Variants in FAM219B observed in about 807,000 individuals in gnomAD.
FAM219B encodes the protein family with sequence similarity 219 member B.
A neutral mutation model predicts 19.9 loss-of-function variants in FAM219B; 18 were observed. The ratio of observed to expected loss-of-function variants is 0.91; its 90% CI spans 0.63 to 1.34. The LOEUF (loss-of-function observed/expected upper bound fraction) is 1.34, where lower values mean the gene tolerates loss of function less well. FAM219B is among the 40% of genes most tolerant of loss of function. The probability of loss-of-function intolerance (pLI) is 0.00; values close to 1 mark genes in which losing one functional copy is unlikely to be tolerated. For missense variants in FAM219B, 283 were observed against 270.5 expected, an observed-to-expected ratio of 1.05 and a Z score of -0.32; for synonymous variants, 123 against 117.5, an observed-to-expected ratio of 1.05 and a Z score of -0.30.
In FAM219B at chr15:74,902,773, T is replaced by A. The variant is rs1373623747; in HGVS notation, c.443A>T (p.Asp148Val). 1.2e-6 allele frequency: 2 copies of A among 1,609,284 alleles called. No homozygotes were observed. The highest frequency in any genetic ancestry group is 1.7e-6 in the Non-Finnish European group (2 of 1,177,762). The change falls in exon 5 of 5, where the codon GAT becomes GTT. Residue 148 changes from aspartate to valine, a missense_variant. Asp to Val is a radical substitution (Grantham distance 152). Coordinates refer to ENST00000357635, the MANE Select transcript of FAM219B (RefSeq NM_020447.5). ...ATCCTGAAGCAGCTGCCGGCTCACA[T>A]CCTGGTTCACCTGCTAAGAGAAGGA... is the stretch of plus-strand genomic sequence containing the variant. ...GYSSAEQVNQ[D>V]VSRQLLQDGY...
rs1161563003 is a variant in FAM219B at position 74,906,288 on chromosome 15, AAG to A, written c.290_291del (p.Ser97PhefsTer9). ...GGCGCCTGCTGAGACCTTTTCCCTG[AAG>A]AGTCTGGGCGGTTCGGCGAGGCCCC... ...MLGASPNRPD[S>X]SGKRSVKFNK... On this transcript the variant is annotated frameshift_variant, in exon 2 of 5. Transcript: ENST00000357635. LOFTEE classifies it high-confidence loss of function. 6.2e-7 allele frequency: 1 copy of A among 1,613,496 alleles called. No homozygotes were observed. The highest frequency in any genetic ancestry group is 1.1e-5 in the South Asian group (1 of 90,956).
rs1308493780 is a variant in FAM219B, at chr15:74,906,578, C to G, written c.214+9G>C. On this transcript the variant is annotated intron_variant, in intron 1 of 4. Coordinates refer to ENST00000357635, the MANE Select transcript of FAM219B (RefSeq NM_020447.5). ...GAGAAACCTCCCCCGACCATCGGGC[C>G]ACACTCACGCAGCTTGGCTTGAATG... 6.7e-7 allele frequency: 1 copy of G among 1,500,788 alleles called. No individual in the cohort carries two copies. Among genetic ancestry groups the G allele is most frequent in the African/African-American group, 1.4e-5 (1 of 71,330 alleles). 93.0% of individuals were successfully genotyped at this position (1,500,788 alleles called of 1,614,324 possible). A position where few individuals can be genotyped will look rare whatever the true frequency, so the allele number is the denominator to read the frequency against.
At chr15:74,903,432 C>G (rs2141237478) in intron 4 of FAM219B, among the ~76,000 whole-genome samples, 1 of 151,966 alleles carries the variant, frequency 6.6e-6, no homozygotes, top group South Asian at 2.1e-4. Flanking sequence ...AACCCCATCT[C>G]TACTAAAAAA....
At chr15:74,904,615 T>C in intron 4 of FAM219B, 49 bp downstream of exon 4, 1 of 1,606,532 alleles carries the variant, frequency 6.2e-7, no homozygotes, top group Non-Finnish European at 8.5e-7. Context: ...GCAGTGGTGG[T>C]AATGCTGCCT....
In FAM219B at chr15:74,901,768, G is replaced by C. The variant is rs981365501; in HGVS notation, c.*851C>G. 8.6e-6 allele frequency: 2 copies of C among 231,918 alleles called. No individual in the cohort carries two copies. Among genetic ancestry groups the C allele is most frequent in the Non-Finnish European group, 1.6e-5 (2 of 121,276 alleles). 14.4% of individuals were successfully genotyped at this position (231,918 alleles called of 1,614,324 possible). On this transcript the variant is annotated 3_prime_UTR_variant, in exon 5 of 5. Transcript: ENST00000357635. ...CGGACTGCTCCCTGTAGCTCCCTCT[G>C]CTGGTAATAATAAAAACTGCAGGCT... is the stretch of plus-strand genomic sequence containing the variant.
intron 4 of FAM219B, among the ~76,000 whole-genome samples, chr15:74,903,995 G>C (rs905291854): frequency 3.3e-5 from 5 of 152,224 alleles, no homozygotes; most frequent in Non-Finnish European, 2.9e-5. Context: ...AGCAAGCTTG[G>C]TGAAAGATGG....
rs530377950 is a variant in FAM219B at position 74,901,801 on chromosome 15, C to G, written c.*818G>C. On this transcript the variant is annotated 3_prime_UTR_variant, in exon 5 of 5. Transcript: ENST00000357635. ...TAATAAAAACTGCAGGCTTCTGGGG[C>G]CAGCCCCAGTACCTTCGACCTAATC... The G allele has an allele frequency of 7.0e-6, 2 of 284,088 alleles. No homozygotes were observed. The highest frequency in any genetic ancestry group is 4.3e-5 in the African/African-American group (2 of 46,328). The allele number at this position is 284,088 out of a possible 1,614,324, so 17.6% of individuals were successfully genotyped here. A position where few individuals can be genotyped will look rare whatever the true frequency, so the allele number is the denominator to read the frequency against.
chr15:74,903,517 C>T (rs887157131), intron 4 of FAM219B, among the ~76,000 whole-genome samples: 9 of 139,452 alleles, frequency 6.5e-5, no homozygotes, highest in African/African-American at 1.1e-4. Context: ...AGGAGAATGG[C>T]GTGAACCTGG....
Position 74,905,216 on chromosome 15 carries a change from G to C in FAM219B, c.318C>G (p.Asn106Lys), listed in dbSNP as rs114284127. The change falls in exon 3 of 5, where the codon AAC becomes AAG. Residue 106 changes from asparagine to lysine, a missense_variant. Physicochemically the swap from Asn to Lys is moderately conservative, Grantham distance 94 (BLOSUM62 0). Coordinates refer to ENST00000357635, the MANE Select transcript of FAM219B (RefSeq NM_020447.5). ...TCTGGCTAAGAGCAGTATAGCCCTT[G>C]TTAAACTTCACTGACCTGAGGGGAG... ...DSSGKRSVKF[N>K]KGYTALSQSP... is the part of the protein sequence containing the mutation. 2.5e-4 allele frequency: 407 copies of C among 1,613,956 alleles called. 2 individuals are homozygous for C. The African/African-American group carries it at 5.0e-3, about 20-fold the overall frequency.
In FAM219B at chr15:74,906,382, C is replaced by G; in HGVS notation, c.215-17G>C. The G allele has an allele frequency of 6.3e-7, 1 of 1,591,240 alleles. No homozygotes were observed. The highest frequency in any genetic ancestry group is 1.1e-5 in the South Asian group (1 of 88,520). ...GGTGCTTCTCTGGAAGTTAAAGGAC[C>G]CGGGTCAGCCGGGTCTTCCCCACTC... On this transcript the variant is annotated splice_polypyrimidine_tract_variant and intron_variant, in intron 1 of 4. Coordinates refer to ENST00000357635, the MANE Select transcript of FAM219B (RefSeq NM_020447.5).
intron 3 of FAM219B, 58 bp downstream of exon 3, chr15:74,905,096 G>A (rs1205910713): frequency 1.9e-6 from 3 of 1,611,056 alleles, no homozygotes; most frequent in Admixed American, 1.7e-5. Context: ...GGCATCAGGC[G>A]ATCTTCAGTC....
At chr15:74,906,057 A>G (rs2065174302) in intron 2 of FAM219B, 3 of 554,962 alleles carry the variant, frequency 5.4e-6, no homozygotes, top group Non-Finnish European at 9.6e-6. Flanking sequence ...GAGCCTGTGC[A>G]CTCACAGAAC....
intron 3 of FAM219B, 72 bp from the exon 4 acceptor site, chr15:74,904,784 G>C (rs2065117528): frequency 1.9e-6 from 3 of 1,582,676 alleles, no homozygotes; most frequent in African/African-American, 2.7e-5. Flanking sequence ...CAGGCGGAGA[G>C]CATGCAAGGG....
intron 4 of FAM219B, among the ~76,000 whole-genome samples, chr15:74,904,443 G>C (rs1250308415): frequency 6.6e-6 from 1 of 152,164 alleles, no homozygotes. Flanking sequence ...TGACTTCTGA[G>C]ATCATTTCTA....
chr15:74,906,666 C>T lies in FAM219B; in HGVS notation c.135G>A (p.Leu45=), dbSNP rs1251267235. The change falls in exon 1 of 5, where the codon CTG becomes CTA. Residue 45 remains leucine (L), a synonymous_variant. Transcript: ENST00000357635. ...SGQIGNRALR[L]GERTPAAVEK... is the part of the protein sequence containing the mutation. ...CCACGGCCGCGGGGGTGCGCTCCCC[C>T]AGACGGAGGGCTCTATTACCGATCT... The T allele has an allele frequency of 8.6e-6, 13 of 1,508,572 alleles. No individual in the cohort carries two copies. In the Middle Eastern group the frequency reaches 7.2e-4, roughly 84 times the overall value. 93.4% of individuals were successfully genotyped at this position (1,508,572 alleles called of 1,614,324 possible).
rs2064887187 is a variant in FAM219B, at chr15:74,900,049, G to GT, written c.*2569dup. 1 of 152,228 alleles carries GT rather than the reference G, an allele frequency of 6.6e-6. No homozygotes were observed. Among genetic ancestry groups the GT allele is most frequent in the African/African-American group, 2.4e-5 (1 of 41,458 alleles). The allele number at this position is 152,228 out of a possible 1,614,324, so 9.4% of individuals were successfully genotyped here. ...AGAGCTGTAGAAGTGCAAGCCAAGA[G>GT]TTCTATAGAGTAGTACATAAACACC... On this transcript the variant is annotated 3_prime_UTR_variant, in exon 5 of 5. Coordinates refer to ENST00000357635, the MANE Select transcript of FAM219B (RefSeq NM_020447.5).
Position 74,904,696 on chromosome 15 carries a change from ATCCCAGC to A in FAM219B, c.390_396del (p.Glu130AspfsTer14). 1.9e-6 allele frequency: 3 copies of A among 1,614,212 alleles called. No homozygotes were observed. The highest frequency in any genetic ancestry group is 2.5e-6 in the Non-Finnish European group (3 of 1,180,022). On this transcript the variant is annotated frameshift_variant, in exon 4 of 5. Transcript: ENST00000357635. LOFTEE classifies it high-confidence loss of function. ...GATGAATACCCGGAGGAGTATCTGG[ATCCCAGC>A]TCCCCATCACTAGGAGAAGAGGAAA...
chr15:74,906,619 A>G lies in FAM219B; in HGVS notation c.182T>C (p.Val61Ala). The change falls in exon 1 of 5, where the codon GTG becomes GCG. Residue 61 changes from valine to alanine, a missense_variant. By Grantham distance (64) the Val-to-Ala change is moderately conservative. Coordinates refer to ENST00000357635, the MANE Select transcript of FAM219B (RefSeq NM_020447.5). ...AAVEKRGPYM[V>A]TRAPSIQAKL... The stretch of plus-strand genomic sequence containing the variant: ...GGCTTGAATGGAGGGTGCGCGCGTC[A>G]CCATGTATGGCCCCCGCTTTTCCAC... 2 of 1,508,512 alleles carry G rather than the reference A, an allele frequency of 1.3e-6. No individual in the cohort carries two copies. The highest frequency in any genetic ancestry group is 8.8e-7 in the Non-Finnish European group (1 of 1,131,850). The allele number at this position is 1,508,512 out of a possible 1,614,324, so 93.4% of individuals were successfully genotyped here. A position where few individuals can be genotyped will look rare whatever the true frequency, so the allele number is the denominator to read the frequency against.
At chr15:74,903,164 CGTA>C (rs1404093239) in intron 4 of FAM219B, among the ~76,000 whole-genome samples, 2 of 152,122 alleles carry the variant, frequency 1.3e-5, no homozygotes, top group Non-Finnish European at 2.9e-5. Flanking sequence ...AATGGGCTAG[CGTA>C]GTAGAGCATG....
Sources: gnomAD v4.1 joint callset for allele counts (sites outside exome capture counted in the v4.1 genomes callset) on GRCh38, gnomAD v4.1.1 for gene constraint, MANE v1.5 for transcripts, NCBI Gene and HGNC (gene_info 2026-07-23, HGNC 2026-07-21) for gene names.